Variants in MSRA observed in about 807,000 individuals in gnomAD.
The protein encoded by MSRA is methionine sulfoxide reductase A, also known as mitochondrial peptide methionine sulfoxide reductase.
MSRA carries 54 observed loss-of-function variants against 31.3 expected under a neutral mutation model. That is an observed-to-expected ratio of 1.73 (90% CI 1.39 to 2.17). MSRA has a LOEUF of 2.17. Among genes scored for constraint, MSRA ranks in the 30% most tolerant of loss-of-function variants. The probability of loss-of-function intolerance (pLI) is 0.00; values close to 1 mark genes in which losing one functional copy is unlikely to be tolerated. For synonymous variants in MSRA, 169 were observed against 116.5 expected, an observed-to-expected ratio of 1.45 and a Z score of -2.90; for missense variants, 507 against 300.9, an observed-to-expected ratio of 1.69 and a Z score of -5.07.
intron 1 of MSRA, among the ~76,000 whole-genome samples, chr8:10,080,227 T>A (rs1269412878): frequency 6.6e-6 from 1 of 152,228 alleles, no homozygotes; most frequent in Non-Finnish European, 1.5e-5. Flanking sequence ...CTGGCAATTA[T>A]GAATCCATAT....
intron 5 of MSRA, among the ~76,000 whole-genome samples, chr8:10,385,349 G>C (rs778213650): frequency 4.7e-4 from 72 of 152,340 alleles, no homozygotes; most frequent in Non-Finnish European, 2.9e-5. Flanking sequence ...CAGGGACAAA[G>C]GTAGAAGCCT....
chr8:10,267,464 G>T (rs1341051177), intron 3 of MSRA, among the ~76,000 whole-genome samples: 1 of 152,064 alleles, frequency 6.6e-6, no homozygotes, highest in Non-Finnish European at 1.5e-5. Context: ...AATTATTCCA[G>T]GAGTAGGAGT....
chr8:10,162,435 T>C (rs531325713), intron 1 of MSRA, among the ~76,000 whole-genome samples: 25 of 152,254 alleles, frequency 1.6e-4, no homozygotes, highest in African/African-American at 5.3e-4. Flanking sequence ...TTAACCTACA[T>C]TGAGTGCCAA....
chr8:10,215,749 T>G (rs961709615), intron 2 of MSRA, among the ~76,000 whole-genome samples: 1 of 152,218 alleles, frequency 6.6e-6, no homozygotes, highest in Non-Finnish European at 1.5e-5. Flanking sequence ...AAATACTATA[T>G]TTCTCTTTTG....
At chr8:10,258,063 C>T (rs935305348) in intron 3 of MSRA, among the ~76,000 whole-genome samples, 9 of 152,072 alleles carry the variant, frequency 5.9e-5, no homozygotes, top group Non-Finnish European at 1.2e-4. Flanking sequence ...GTGACCACTT[C>T]TTCTATTTTC....
intron 1 of MSRA, among the ~76,000 whole-genome samples, chr8:10,097,694 C>G (rs1366510701): frequency 6.6e-6 from 1 of 152,040 alleles, no homozygotes; most frequent in East Asian, 1.9e-4. Flanking sequence ...TAGCTGATTT[C>G]TTAACTTCTT....
intron 1 of MSRA, among the ~76,000 whole-genome samples, chr8:10,165,132 C>A (rs1805010506): frequency 6.6e-6 from 1 of 152,144 alleles, no homozygotes; most frequent in Non-Finnish European, 1.5e-5. Flanking sequence ...CCAGGTAATT[C>A]TAATGTGCGG....
chr8:10,069,174 A>G (rs1212885532), intron 1 of MSRA, among the ~76,000 whole-genome samples: 2 of 152,072 alleles, frequency 1.3e-5, no homozygotes, highest in Admixed American at 6.6e-5. Flanking sequence ...TGTTTTCTGG[A>G]TTTTCTACAT....
chr8:10,374,453 C>T (rs936401232), intron 5 of MSRA, among the ~76,000 whole-genome samples: 7 of 152,178 alleles, frequency 4.6e-5, no homozygotes, highest in East Asian at 1.9e-4. Context: ...ATATGAGTCC[C>T]GCAAGAACAC....
chr8:10,343,935 C>T (rs563278872), intron 5 of MSRA, among the ~76,000 whole-genome samples: 2 of 152,172 alleles, frequency 1.3e-5, no homozygotes, highest in East Asian at 1.9e-4. Context: ...TCAATTGATT[C>T]ATCCTCAGTC....
chr8:10,331,648 G>A (rs960411149), intron 5 of MSRA, among the ~76,000 whole-genome samples: 33 of 152,248 alleles, frequency 2.2e-4, no homozygotes, highest in African/African-American at 7.2e-4. Flanking sequence ...GGCATTTTAC[G>A]AATACAGTCA....
At chr8:10,423,240 T>A (rs1808921607) in intron 5 of MSRA, among the ~76,000 whole-genome samples, 1 of 152,164 alleles carries the variant, frequency 6.6e-6, no homozygotes, top group Non-Finnish European at 1.5e-5. Flanking sequence ...TGCCTGCTCC[T>A]GAGGGCCAAT....
At chr8:10,338,512 A>G (rs1000037558) in intron 5 of MSRA, among the ~76,000 whole-genome samples, 1 of 152,240 alleles carries the variant, frequency 6.6e-6, no homozygotes, top group African/African-American at 2.4e-5. Context: ...TAAAAAAACA[A>G]TAGGTAAGTG....
chr8:10,184,559 G>A (rs1806852123), intron 1 of MSRA, among the ~76,000 whole-genome samples: 1 of 152,020 alleles, frequency 6.6e-6, no homozygotes, highest in South Asian at 2.1e-4. Flanking sequence ...ACACTTCCCT[G>A]ATCGGTTTTT....
At chr8:10,117,497 A>G (rs1310123775) in intron 1 of MSRA, among the ~76,000 whole-genome samples, 1 of 152,238 alleles carries the variant, frequency 6.6e-6, no homozygotes, top group African/African-American at 2.4e-5. Flanking sequence ...TTTTGGGAGC[A>G]GAGAAAAATA....
intron 1 of MSRA, among the ~76,000 whole-genome samples, chr8:10,126,644 A>T (rs1300495493): frequency 6.6e-6 from 1 of 152,024 alleles, no homozygotes; most frequent in East Asian, 1.9e-4. Context: ...TCACAAGTAG[A>T]TGGGATTATA....
At chr8:10,249,751 T>G (rs1304298502) in intron 3 of MSRA, among the ~76,000 whole-genome samples, 1 of 152,200 alleles carries the variant, frequency 6.6e-6, no homozygotes, top group Non-Finnish European at 1.5e-5. Flanking sequence ...AGAGATGTGC[T>G]GAGAAGTAAT....
chr8:10,401,938 C>A (rs1275070952), intron 5 of MSRA, among the ~76,000 whole-genome samples: 1 of 152,150 alleles, frequency 6.6e-6, no homozygotes, highest in East Asian at 1.9e-4. Flanking sequence ...TAAAGAATTT[C>A]TGTCGGATGA....
chr8:10,186,054 G>A (rs906318317), intron 1 of MSRA, among the ~76,000 whole-genome samples: 6 of 152,224 alleles, frequency 3.9e-5, no homozygotes, highest in Admixed American at 3.3e-4. Context: ...ATACGTATCG[G>A]AACAGCGTGC....
Sources: allele counts gnomAD v4.1 joint callset (sites outside exome capture counted in the v4.1 genomes callset), GRCh38; gene constraint gnomAD v4.1.1; transcripts MANE v1.5; gene names NCBI Gene and HGNC (gene_info 2026-07-23, HGNC 2026-07-21).